SBK1: variants seen among roughly 807,000 people sequenced by gnomAD.
SBK1 encodes the protein SH3 domain binding kinase 1.
SBK1 carries 11 observed loss-of-function variants against 24.4 expected under a neutral mutation model. That is an observed-to-expected ratio of 0.45 (90% confidence interval 0.28 to 0.75). SBK1 has a LOEUF of 0.75. SBK1 is among the 30% of genes least tolerant of loss of function. The pLI is 0.12. For missense variants in SBK1, 467 were observed against 620.5 expected (o/e 0.75, Z 2.63); for synonymous variants, 308 against 284.4 (o/e 1.08, Z -0.83).
intron 1 of SBK1, among the ~76,000 whole-genome samples, chr16:28,313,738 A>ACGGTGCAGATGGAGCTC (rs1159227804): frequency 2.0e-5 from 3 of 151,188 alleles, no homozygotes; most frequent in Non-Finnish European, 4.4e-5. Flanking sequence ...AGCTGAGAGG[A>ACGGTGCAGATGGAGCTC]CGGTGCAGAT....
upstream of SBK1, among the ~76,000 whole-genome samples, chr16:28,289,601 T>C (rs34883899): frequency 0.1 from 15,011 of 150,752 alleles, 1,323 homozygotes; most frequent in African/African-American, 0.24. Context: ...ACCTCATCTC[T>C]ACTAAAAATA....
Position 28,321,150 on chromosome 16 carries a change from G to T in SBK1, c.*229G>T. Reference sequence around the variant, plus strand: ...GGGCTTGGCCCAGAGGAGCCAAGCCGCACAGACCCGAGAATTCGGAGGCCA... The same window carrying T: ...GGGCTTGGCCCAGAGGAGCCAAGCCTCACAGACCCGAGAATTCGGAGGCCA... On this transcript the variant is annotated 3_prime_UTR_variant, in exon 4 of 4. Transcript: ENST00000341901. The T allele has an allele frequency of 3.0e-6, 1 of 338,280 alleles. No individual in the cohort carries two copies. The allele number at this position is 338,280 out of a possible 1,614,324, so 21.0% of individuals were successfully genotyped here.
chr16:28,292,600 C>T lies in SBK1; in HGVS notation c.-708C>T, dbSNP rs1470009461. 13 of 979,844 alleles carry T rather than the reference C, an allele frequency of 1.3e-5. No individual in the cohort carries two copies. The highest frequency in any genetic ancestry group is 1.8e-5 in the African/African-American group (1 of 56,468). 60.7% of individuals were successfully genotyped at this position (979,844 alleles called of 1,614,324 possible). On this transcript the variant is annotated 5_prime_UTR_variant, in exon 1 of 4. Coordinates refer to ENST00000341901, the MANE Select transcript of SBK1 (RefSeq NM_001024401.3). ...CGCCAGGCGGAGCGCGAGCTGGAGC[C>T]GCAGCCGGAGCCCGGGCCAGGCCGG... is the stretch of plus-strand genomic sequence containing the variant.
intron 1 of SBK1, among the ~76,000 whole-genome samples, chr16:28,268,302 G>A (rs1320070985): frequency 6.6e-6 from 1 of 152,060 alleles, no homozygotes; most frequent in Non-Finnish European, 1.5e-5. Context: ...GAGTGCAGTG[G>A]TGGGATCAGG....
chr16:28,292,434 A>T (rs1321509926), upstream of SBK1: 3 of 674,164 alleles, frequency 4.4e-6, no homozygotes, highest in South Asian at 6.4e-5. Flanking sequence ...GCCGAGCGGG[A>T]CGGACAAAGG....
chr16:28,265,934 A>C (rs1027044847), intron 1 of SBK1, among the ~76,000 whole-genome samples: 1 of 151,300 alleles, frequency 6.6e-6, no homozygotes, highest in Non-Finnish European at 1.5e-5. Context: ...ATATTGTACC[A>C]CTGCACAGAG....
chr16:28,280,169 G>GTGTGTGTGTGTGTGTGTGTGTA (rs71140962), intron 1 of SBK1, among the ~76,000 whole-genome samples: 1 of 118,884 alleles, frequency 8.4e-6, no homozygotes, highest in Non-Finnish European at 1.8e-5. Context: ...GTGTGTGTGT[G>GTGTGTGTGTGTGTGTGTGTGTA]TGTATGTATA....
At position 28,292,964 on chromosome 16, in the gene SBK1, G is replaced by GA. The variant is rs1463215637; in HGVS notation, c.-342dup. 6 of 980,996 alleles carry GA rather than the reference G, an allele frequency of 6.1e-6. No individual in the cohort carries two copies. The highest frequency in any genetic ancestry group is 7.3e-6 in the Non-Finnish European group (6 of 826,196). The allele number at this position is 980,996 out of a possible 1,614,324, so 60.8% of individuals were successfully genotyped here. ...CAGTGCCCCCAGGCCGGGATTGCGA[G>GA]AACCCCCTCCCAAGATCCGGTCATT... On this transcript the variant is annotated 5_prime_UTR_variant, in exon 1 of 4. Transcript: ENST00000341901.
chr16:28,268,152 C>T (rs1025817514), intron 1 of SBK1, among the ~76,000 whole-genome samples: 3 of 152,078 alleles, frequency 2.0e-5, no homozygotes, highest in Admixed American at 1.3e-4. Flanking sequence ...AGGTCCCTCT[C>T]CCTGTCAAAT....
At chr16:28,264,706 G>C (rs1036498297) in intron 1 of SBK1, among the ~76,000 whole-genome samples, 5 of 152,142 alleles carry the variant, frequency 3.3e-5, no homozygotes, top group Non-Finnish European at 7.3e-5. Flanking sequence ...GCTGACGGTG[G>C]AACTTCAGGG....
intron 1 of SBK1, among the ~76,000 whole-genome samples, chr16:28,273,365 C>A (rs936191611): frequency 6.6e-6 from 1 of 152,022 alleles, no homozygotes; most frequent in Non-Finnish European, 1.5e-5. Flanking sequence ...AGATTACAGG[C>A]GTGAGCCCCC....
At chr16:28,276,321 G>C (rs977523120) in intron 1 of SBK1, among the ~76,000 whole-genome samples, 1 of 152,130 alleles carries the variant, frequency 6.6e-6, no homozygotes, top group Non-Finnish European at 1.5e-5. Flanking sequence ...TACAGTTTCA[G>C]AAGCTGCTCA....
intron 1 of SBK1, among the ~76,000 whole-genome samples, chr16:28,268,357 C>T (rs1442181328): frequency 2.0e-5 from 3 of 151,820 alleles, no homozygotes; most frequent in Admixed American, 1.3e-4. Flanking sequence ...ATCCTCCTAC[C>T]TCAGCCTCCT....
chr16:28,292,798 G>C lies in SBK1; in HGVS notation c.-510G>C. ...CCGGCGAGCCTCGGGGAAGAGGGGG[G>C]GCCCTCCCGGATCCGACACCGAGCG... On this transcript the variant is annotated 5_prime_UTR_variant, in exon 1 of 4. Transcript: ENST00000341901. 1 of 985,358 alleles carries C rather than the reference G, an allele frequency of 1.0e-6. No individual in the cohort carries two copies. The highest frequency in any genetic ancestry group is 1.2e-6 in the Non-Finnish European group (1 of 829,886). 61.0% of individuals were successfully genotyped at this position (985,358 alleles called of 1,614,324 possible). A position where few individuals can be genotyped will look rare whatever the true frequency, so the allele number is the denominator to read the frequency against.
At chr16:28,274,124 C>T (rs1181375314) in intron 1 of SBK1, among the ~76,000 whole-genome samples, 1 of 152,144 alleles carries the variant, frequency 6.6e-6, no homozygotes, top group Admixed American at 6.6e-5. Flanking sequence ...CTGTATGATA[C>T]TGGGAGGGTG....
Position 28,315,985 on chromosome 16 carries a change from C to T in SBK1, c.-7-1400C>T, listed in dbSNP as rs577979330. Among the ~76,000 whole-genome samples, 23 of 152,210 alleles carry T rather than the reference C, an allele frequency of 1.5e-4. No individual in the cohort carries two copies. The East Asian group carries it at 3.7e-3, about 25-fold the overall frequency. On this transcript the variant is annotated intron_variant, in intron 1 of 3. Coordinates refer to ENST00000341901, the MANE Select transcript of SBK1 (RefSeq NM_001024401.3). ...TCCGCCACATTGACCAGTCTGGTCTCGAACTCCTGACCTCAAGTGATCCGC... is the reference window on the plus strand; with the variant it reads ...TCCGCCACATTGACCAGTCTGGTCTTGAACTCCTGACCTCAAGTGATCCGC...
chr16:28,300,726 T>C (rs2044672895), intron 1 of SBK1, among the ~76,000 whole-genome samples: 1 of 152,222 alleles, frequency 6.6e-6, no homozygotes, highest in African/African-American at 2.4e-5. Flanking sequence ...TGAGTCAATA[T>C]ATATACAGTG....
At chr16:28,274,577 A>C (rs992193182) in intron 1 of SBK1, among the ~76,000 whole-genome samples, 1 of 152,030 alleles carries the variant, frequency 6.6e-6, no homozygotes, top group African/African-American at 2.4e-5. Flanking sequence ...GCTTGAACCC[A>C]GGAGGCGGAG....
Position 28,320,876 on chromosome 16 carries a change from CA to C in SBK1, c.1233del (p.Gln413ArgfsTer79). The C allele has an allele frequency of 6.6e-7, 1 of 1,504,688 alleles. No individual in the cohort carries two copies. Among genetic ancestry groups the C allele is most frequent in the Non-Finnish European group, 8.8e-7 (1 of 1,131,666 alleles). The allele number at this position is 1,504,688 out of a possible 1,614,324, so 93.2% of individuals were successfully genotyped here. A position where few individuals can be genotyped will look rare whatever the true frequency, so the allele number is the denominator to read the frequency against. On this transcript the variant is annotated frameshift_variant, in exon 4 of 4. Transcript: ENST00000341901. LOFTEE classifies it high-confidence loss of function. The surrounding 1 kb of genome is among the most constrained non-coding windows in gnomAD (Gnocchi z 8.5). ...GRTDGRADKS[K>X]GQVVLATAIE... ...GGACCGACGGCCGCGCGGACAAGAG[CA>C]AAGGGCAGGTGGTGCTGGCCACGGC...
Sources: allele counts gnomAD v4.1 joint callset (sites outside exome capture counted in the v4.1 genomes callset), GRCh38; gene constraint gnomAD v4.1.1; non-coding constraint Gnocchi (gnomAD v3.1); transcripts MANE v1.5; gene names NCBI Gene and HGNC (gene_info 2026-07-23, HGNC 2026-07-21).